The following RFX4 variants were observed in gnomAD, a reference collection of about 807,000 sequenced individuals.
RFX4 encodes transcription factor RFX4.
In RFX4, 10 loss-of-function variants were observed where a neutral mutation model predicts 95.0. The ratio of observed to expected loss-of-function variants is 0.11; its 90% CI spans 0.06 to 0.18. RFX4 has a LOEUF of 0.18. Among genes scored for constraint, RFX4 ranks in the 10% least tolerant of loss-of-function variants. The pLI, the probability that RFX4 is intolerant of heterozygous loss-of-function variation, is 1.00. For missense variants in RFX4, 640 were observed against 922.0 expected, an observed-to-expected ratio of 0.69 and a Z score of 3.96; for synonymous variants, 321 against 340.7, an observed-to-expected ratio of 0.94 and a Z score of 0.64.
chr12:106,616,720 C>A (rs1253305010), intron 2 of RFX4, among the ~76,000 whole-genome samples: 2 of 151,966 alleles, frequency 1.3e-5, no homozygotes, highest in African/African-American at 4.8e-5. Context: ...TCTAAATTTT[C>A]AAGTTTATTT....
At chr12:106,757,473 GGGA>G (rs1464065880) in intron 17 of RFX4, among the ~76,000 whole-genome samples, 1 of 151,818 alleles carries the variant, frequency 6.6e-6, no homozygotes, top group Non-Finnish European at 1.5e-5. Context: ...ACTTAAGCCT[GGGA>G]GGCACAGGTT....
At position 106,635,137 on chromosome 12, in the gene RFX4, G is replaced by A. The variant is rs1428340858; in HGVS notation, c.131-4195G>A. The stretch of plus-strand genomic sequence containing the variant: ...TGGCCAGTAAGTGTTAGGATTATTC[G>A]AATCTAGGTCTTTTGACAACCTGTC... On this transcript the variant is annotated intron_variant, in intron 2 of 17. Transcript: ENST00000392842. Among the ~76,000 whole-genome samples the A allele has an allele frequency of 2.0e-5, 3 of 152,236 alleles. No individual in the cohort carries two copies. The South Asian group carries it at 6.2e-4, about 32-fold the overall frequency.
intron 1 of RFX4, among the ~76,000 whole-genome samples, chr12:106,589,434 A>G (rs1389981501): frequency 6.6e-6 from 1 of 152,226 alleles, no homozygotes; most frequent in East Asian, 1.9e-4. Flanking sequence ...CTTAGAGGAA[A>G]GGATGCTCTC....
chr12:106,651,207 T>G (rs1156271263), intron 3 of RFX4, among the ~76,000 whole-genome samples: 1 of 152,142 alleles, frequency 6.6e-6, no homozygotes, highest in African/African-American at 2.4e-5. Flanking sequence ...GCTGTTCTAC[T>G]TGCCTGGAAC....
At chr12:106,703,368 T>C (rs1260516996) in intron 8 of RFX4, among the ~76,000 whole-genome samples, 1 of 152,256 alleles carries the variant, frequency 6.6e-6, no homozygotes, top group Non-Finnish European at 1.5e-5. Context: ...GAGGGGATTA[T>C]GGCCACATTT....
At chr12:106,653,668 C>A (rs1304624799) in intron 3 of RFX4, among the ~76,000 whole-genome samples, 1 of 152,178 alleles carries the variant, frequency 6.6e-6, no homozygotes, top group Non-Finnish European at 1.5e-5. Flanking sequence ...ATCATGGGGC[C>A]AACTTCCTCC....
At chr12:106,627,894 C>T (rs1218377884) in intron 2 of RFX4, among the ~76,000 whole-genome samples, 3 of 152,154 alleles carry the variant, frequency 2.0e-5, no homozygotes, top group African/African-American at 4.8e-5. Context: ...AGCAGAAAGG[C>T]GTTCAGGCAG....
intron 3 of RFX4, among the ~76,000 whole-genome samples, chr12:106,645,350 C>T (rs932613322): frequency 6.6e-6 from 1 of 152,086 alleles, no homozygotes; most frequent in African/African-American, 2.4e-5. Context: ...ATGCCCCCTC[C>T]GTGCCCCGCC....
Position 106,681,756 on chromosome 12 carries a change from G to A in RFX4, c.316-237G>A, listed in dbSNP as rs144720005. 7.2e-5 allele frequency among the ~76,000 whole-genome samples: 11 copies of A among 152,230 alleles called. No homozygotes were observed. In the East Asian group the frequency reaches 1.4e-3, roughly 19 times the overall value. Reference sequence around the variant, plus strand: ...ACTCTCCTTCCTTTGTGAGTAGGACGGGGTGAAGCATAGAGTGGCCAAGTG... The same window carrying A: ...ACTCTCCTTCCTTTGTGAGTAGGACAGGGTGAAGCATAGAGTGGCCAAGTG... On this transcript the variant is annotated intron_variant, in intron 4 of 17. Transcript: ENST00000392842.
Position 106,732,365 on chromosome 12 carries a change from G to T in RFX4, c.1471+116G>T. 3.6e-6 allele frequency: 5 copies of T among 1,397,828 alleles called. No homozygotes were observed. The South Asian group carries it at 5.3e-5, about 15-fold the overall frequency. 86.6% of individuals were successfully genotyped at this position (1,397,828 alleles called of 1,614,324 possible). A position where few individuals can be genotyped will look rare whatever the true frequency, so the allele number is the denominator to read the frequency against. ...CAAAGAATTTAGTTATGGTGAACAGGTTAAGTGGTATCAAACCAATCATGT... is the reference window on the plus strand; with the variant it reads ...CAAAGAATTTAGTTATGGTGAACAGTTTAAGTGGTATCAAACCAATCATGT... On this transcript the variant is annotated intron_variant, in intron 14 of 17. Coordinates refer to ENST00000392842, the MANE Select transcript of RFX4 (RefSeq NM_213594.3).
chr12:106,722,968 A>G (rs975135805), intron 13 of RFX4, among the ~76,000 whole-genome samples: 2 of 152,130 alleles, frequency 1.3e-5, no homozygotes, highest in African/African-American at 4.8e-5. Flanking sequence ...CCAGCTCTAT[A>G]TATCTTATAA....
intron 3 of RFX4, among the ~76,000 whole-genome samples, chr12:106,645,205 G>A (rs758793685): frequency 6.6e-6 from 1 of 152,206 alleles, no homozygotes; most frequent in Admixed American, 6.5e-5. Flanking sequence ...CGGTCACGAG[G>A]GTTAGTAAAT....
rs959147621 is a variant in RFX4, at chr12:106,709,824, C to T, written c.934+394C>T. Among the ~76,000 whole-genome samples, 18 of 152,108 alleles carry T rather than the reference C, an allele frequency of 1.2e-4. 1 individual carries two copies. The highest frequency in any genetic ancestry group is 5.9e-4 in the Admixed American group (9 of 15,264). On this transcript the variant is annotated intron_variant, in intron 9 of 17. Coordinates refer to ENST00000392842, the MANE Select transcript of RFX4 (RefSeq NM_213594.3). ...GGCTCTAAGAGGCAAAGAGAGTTCC[C>T]CCAAAGCCACGCAGCCACACAGCTG... is the stretch of plus-strand genomic sequence containing the variant.
intron 4 of RFX4, among the ~76,000 whole-genome samples, chr12:106,668,439 G>A (rs964746632): frequency 2.0e-5 from 3 of 152,080 alleles, no homozygotes; most frequent in African/African-American, 4.8e-5. Flanking sequence ...TAAAAACTAC[G>A]GTTTGAGCCA....
chr12:106,727,378 C>T (rs1337323509), intron 13 of RFX4, among the ~76,000 whole-genome samples: 1 of 152,128 alleles, frequency 6.6e-6, no homozygotes, highest in African/African-American at 2.4e-5. Context: ...AAACATCACA[C>T]TTAATGGCGA....
chr12:106,713,118 C>T (rs1940519713), intron 10 of RFX4, among the ~76,000 whole-genome samples: 1 of 151,728 alleles, frequency 6.6e-6, no homozygotes, highest in Admixed American at 6.5e-5. Context: ...CCAGATCAGA[C>T]AGAGGACTAG....
At chr12:106,695,129 G>A (rs1312425106) in intron 7 of RFX4, among the ~76,000 whole-genome samples, 1 of 152,126 alleles carries the variant, frequency 6.6e-6, no homozygotes, top group Non-Finnish European at 1.5e-5. Context: ...GGATTGATTT[G>A]GGGAAACAGG....
chr12:106,591,536 G>A lies in RFX4; in HGVS notation c.43+8173G>A, dbSNP rs549386644. Among the ~76,000 whole-genome samples, 4 of 152,220 alleles carry A rather than the reference G, an allele frequency of 2.6e-5. No homozygotes were observed. In the East Asian group the frequency reaches 5.8e-4, roughly 22 times the overall value. On this transcript the variant is annotated intron_variant, in intron 1 of 17. Transcript: ENST00000392842. ...CCACCTCGGCCTCCCAAAGTGCTGG[G>A]ATTACAGGCGTGAGCCATCGCGTCC...
intron 8 of RFX4, among the ~76,000 whole-genome samples, chr12:106,700,767 T>A (rs2041974259): frequency 1.3e-5 from 2 of 152,220 alleles, no homozygotes; most frequent in South Asian, 4.1e-4. Context: ...TCACATGTAG[T>A]GTAAGAATCT....
Sources: allele counts gnomAD v4.1 joint callset (sites outside exome capture counted in the v4.1 genomes callset), GRCh38; gene constraint gnomAD v4.1.1; transcripts MANE v1.5; gene names NCBI Gene and HGNC (gene_info 2026-07-23, HGNC 2026-07-21).